NPAS3: variants seen among roughly 807,000 people sequenced by gnomAD.
NPAS3 encodes the protein neuronal PAS domain protein 3, also known as neuronal PAS domain-containing protein 3.
A neutral mutation model predicts 73.1 loss-of-function variants in NPAS3; 14 were observed. The observed-to-expected ratio is 0.19, with a 90% CI of 0.13 to 0.30. The LOEUF (loss-of-function observed/expected upper bound fraction) is 0.30, where lower values mean the gene tolerates loss of function less well. Among genes scored for constraint, NPAS3 ranks in the 10% least tolerant of loss-of-function variants. The probability of loss-of-function intolerance (pLI) is 1.00; values close to 1 mark genes in which losing one functional copy is unlikely to be tolerated. For missense variants in NPAS3, 1,096 were observed against 1,250.0 expected (o/e 0.88, Z 1.86); for synonymous variants, 620 against 541.5 (o/e 1.14, Z -2.01).
At chr14:33,325,154 AT>A (rs1000428308) in intron 3 of NPAS3, among the ~76,000 whole-genome samples, 348 of 151,680 alleles carry the variant, frequency 2.3e-3, no homozygotes, top group African/African-American at 7.6e-3. Context: ...TGATGAACCA[AT>A]TTTTTTTTTA....
chr14:33,611,321 G>A (rs1353277225), intron 5 of NPAS3, among the ~76,000 whole-genome samples: 1 of 152,226 alleles, frequency 6.6e-6, no homozygotes, highest in Non-Finnish European at 1.5e-5. Flanking sequence ...GGAACACTAT[G>A]AGCCAAACAG....
chr14:33,281,574 G>C (rs373641084), intron 3 of NPAS3, among the ~76,000 whole-genome samples: 1 of 152,196 alleles, frequency 6.6e-6, no homozygotes, highest in African/African-American at 2.4e-5. Context: ...AGAAGTTGCA[G>C]TGAGCCAAGA....
intron 5 of NPAS3, among the ~76,000 whole-genome samples, chr14:33,671,142 C>G (rs1284674031): frequency 2.0e-5 from 3 of 152,094 alleles, no homozygotes; most frequent in South Asian, 2.1e-4. Flanking sequence ...AGATCACTGC[C>G]TACTCCTCAT....
chr14:33,269,328 G>A (rs1169966387), intron 3 of NPAS3, among the ~76,000 whole-genome samples: 1 of 152,134 alleles, frequency 6.6e-6, no homozygotes, highest in Non-Finnish European at 1.5e-5. Context: ...AGATGAGAAA[G>A]CAGAGGCATG....
chr14:33,635,634 T>A (rs2140154904), intron 5 of NPAS3, among the ~76,000 whole-genome samples: 1 of 152,260 alleles, frequency 6.6e-6, no homozygotes, highest in Middle Eastern at 3.4e-3. Flanking sequence ...CTCTAACTGT[T>A]CACCAGCACC....
intron 5 of NPAS3, among the ~76,000 whole-genome samples, chr14:33,572,037 T>G (rs80236290): frequency 0.15 from 22,501 of 152,214 alleles, 2,011 homozygotes; most frequent in East Asian, 0.33. Context: ...CTAGAATAAA[T>G]ACTGATTTTA....
chr14:33,695,954 A>T (rs1337880299), intron 6 of NPAS3, among the ~76,000 whole-genome samples: 1 of 152,186 alleles, frequency 6.6e-6, no homozygotes, highest in African/African-American at 2.4e-5. Context: ...GACTTTCATT[A>T]TCTTATTGTT....
At chr14:33,327,730 T>A (rs777069791) in intron 3 of NPAS3, among the ~76,000 whole-genome samples, 4 of 151,832 alleles carry the variant, frequency 2.6e-5, no homozygotes, top group Non-Finnish European at 5.9e-5. Flanking sequence ...CAGAAAAAAA[T>A]TAGATGAGTA....
chr14:33,586,540 C>T (rs1232895392), intron 5 of NPAS3, among the ~76,000 whole-genome samples: 1 of 151,954 alleles, frequency 6.6e-6, no homozygotes, highest in East Asian at 1.9e-4. Context: ...CATGTAAATG[C>T]AATTTTAATA....
chr14:33,633,238 C>G (rs1188219644), intron 5 of NPAS3, among the ~76,000 whole-genome samples: 1 of 151,990 alleles, frequency 6.6e-6, no homozygotes. Flanking sequence ...GGAACCAATC[C>G]CCCAAAGATA....
chr14:33,460,997 T>C (rs529216075), intron 4 of NPAS3, among the ~76,000 whole-genome samples: 1 of 152,346 alleles, frequency 6.6e-6, no homozygotes, highest in South Asian at 2.1e-4. Context: ...AAGGACATTT[T>C]TGAACTGCTC....
chr14:33,213,445 G>A (rs541785384), intron 2 of NPAS3, among the ~76,000 whole-genome samples: 6 of 152,244 alleles, frequency 3.9e-5, no homozygotes, highest in African/African-American at 9.6e-5. Context: ...GGAGGAATTC[G>A]AACTATTCTT....
intron 3 of NPAS3, among the ~76,000 whole-genome samples, chr14:33,313,427 T>C (rs553794904): frequency 1.3e-4 from 20 of 152,166 alleles, no homozygotes; most frequent in Non-Finnish European, 2.2e-4. Context: ...AGATACCAAC[T>C]ACCAAGGCAC....
chr14:33,139,321 C>A (rs1160777589), intron 2 of NPAS3, among the ~76,000 whole-genome samples: 3 of 152,192 alleles, frequency 2.0e-5, no homozygotes, highest in Non-Finnish European at 4.4e-5. Flanking sequence ...GCACCAAAAC[C>A]CATACCATTC....
chr14:32,957,667 C>T (rs927556052), intron 1 of NPAS3, among the ~76,000 whole-genome samples: 3 of 152,102 alleles, frequency 2.0e-5, no homozygotes, highest in South Asian at 2.1e-4. Flanking sequence ...CCACCGCACC[C>T]GGCCTAAGTA....
chr14:33,329,630 G>GTGGGGTAGGCAGGGGCACGA (rs1349946752), intron 3 of NPAS3, among the ~76,000 whole-genome samples: 1 of 152,100 alleles, frequency 6.6e-6, no homozygotes, highest in Non-Finnish European at 1.5e-5. Flanking sequence ...GAGGAGGTTG[G>GTGGGGTAGGCAGGGGCACGA]TGGGGTAGGC....
At chr14:33,708,421 G>C (rs944086) in intron 6 of NPAS3, among the ~76,000 whole-genome samples, 1 of 151,992 alleles carries the variant, frequency 6.6e-6, no homozygotes, top group African/African-American at 2.4e-5. Context: ...AGAGGCTATT[G>C]AGCCAAATTG....
chr14:33,163,443 G>A (rs1210667691), intron 2 of NPAS3, among the ~76,000 whole-genome samples: 1 of 151,930 alleles, frequency 6.6e-6, no homozygotes, highest in Non-Finnish European at 1.5e-5. Context: ...TTGATATGTA[G>A]AGAGAAAGAA....
intron 3 of NPAS3, among the ~76,000 whole-genome samples, chr14:33,285,869 A>G (rs1458827857): frequency 6.6e-6 from 1 of 152,154 alleles, no homozygotes; most frequent in East Asian, 1.9e-4. Flanking sequence ...CCACTCCTTC[A>G]ACTCCTCCCA....
Sources: gnomAD v4.1 joint callset for allele counts (sites outside exome capture counted in the v4.1 genomes callset) on GRCh38, gnomAD v4.1.1 for gene constraint, MANE v1.5 for transcripts, NCBI Gene and HGNC (gene_info 2026-07-23, HGNC 2026-07-21) for gene names.